METTL4: variants seen among roughly 807,000 people sequenced by gnomAD.
METTL4 encodes N(6)-adenine-specific methyltransferase METTL4.
A neutral mutation model predicts 54.0 loss-of-function variants in METTL4; 40 were observed. That is an observed-to-expected ratio of 0.74 (90% CI 0.58 to 0.96). METTL4 has a LOEUF of 0.96. Among genes scored for constraint, METTL4 ranks in the 50% least tolerant of loss-of-function variants. The probability of loss-of-function intolerance (pLI) is 0.00; values close to 1 mark genes in which losing one functional copy is unlikely to be tolerated. For synonymous variants in METTL4, 169 were observed against 183.8 expected (o/e 0.92, Z 0.65); for missense variants, 525 against 549.0 (o/e 0.96, Z 0.44).
At chr18:2,559,924 A>T (rs1244426575) in intron 3 of METTL4, among the ~76,000 whole-genome samples, 1 of 152,052 alleles carries the variant, frequency 6.6e-6, no homozygotes, top group East Asian at 1.9e-4. Context: ...TTTTAGTAGA[A>T]ATGGGATTTC....
intron 3 of METTL4, among the ~76,000 whole-genome samples, chr18:2,560,660 G>C (rs1465640393): frequency 6.6e-6 from 1 of 152,144 alleles, no homozygotes; most frequent in Non-Finnish European, 1.5e-5. Context: ...GGCAGATCAT[G>C]AGGTCAGGAG....
At chr18:2,540,644 T>G (rs2071980859) in intron 8 of METTL4, 1 of 985,390 alleles carries the variant, frequency 1.0e-6, no homozygotes, top group Non-Finnish European at 1.2e-6. Flanking sequence ...CTTTCCTAAG[T>G]GCATAAATTA....
At position 2,552,452 on chromosome 18, in the gene METTL4, C is replaced by T. The variant is rs141478183; in HGVS notation, c.899+243G>A. Reference sequence around the variant, plus strand: ...CAAATATGTTGTCCTTTGGTGTTAACAGAAACAGCCCTGAACTGCTTCTGG... The same window carrying T: ...CAAATATGTTGTCCTTTGGTGTTAATAGAAACAGCCCTGAACTGCTTCTGG... On this transcript the variant is annotated intron_variant, in intron 5 of 8. Coordinates refer to ENST00000574538, the MANE Select transcript of METTL4 (RefSeq NM_022840.5). Among the ~76,000 whole-genome samples the T allele has an allele frequency of 2.6e-4, 40 of 152,260 alleles. No homozygotes were observed. The East Asian group carries it at 7.5e-3, about 29-fold the overall frequency.
chr18:2,545,341 T>A (rs1000182831), intron 6 of METTL4, among the ~76,000 whole-genome samples: 63 of 152,266 alleles, frequency 4.1e-4, no homozygotes, highest in African/African-American at 1.5e-3. Flanking sequence ...ACTAATGAAC[T>A]AATAAATGAA....
Position 2,566,996 on chromosome 18 carries a change from T to A in METTL4, c.221A>T (p.Asp74Val). ...ASDSSTKPEN[D>V]DGGNYEMFTR... ...GAACATTTCATAATTTCCTCCATCA[T>A]CATTCTCTGGCTTAGTGGAAGAGTC... is the stretch of plus-strand genomic sequence containing the variant. Residue 74 changes from aspartate to valine, a missense_variant, in exon 2 of 9, where the codon GAT becomes GTT. Transcript: ENST00000574538. 6.2e-7 allele frequency: 1 copy of A among 1,614,168 alleles called. No homozygotes were observed. Among genetic ancestry groups the A allele is most frequent in the East Asian group, 2.2e-5 (1 of 44,874 alleles).
intron 3 of METTL4, chr18:2,555,336 T>C (rs1041803842): frequency 3.0e-6 from 1 of 335,262 alleles, no homozygotes; most frequent in African/African-American, 2.2e-5. Flanking sequence ...TAGAAGAAAA[T>C]GGGATTTCTA....
chr18:2,542,154 A>C (rs1480303676), intron 8 of METTL4, among the ~76,000 whole-genome samples: 1 of 152,172 alleles, frequency 6.6e-6, no homozygotes, highest in Non-Finnish European at 1.5e-5. Context: ...AATGAGGAAG[A>C]ACTGCATTTC....
In METTL4 at chr18:2,567,259, G is replaced by GA. The variant is rs1383495170; in HGVS notation, c.-44dup. The GA allele has an allele frequency of 5.3e-6, 8 of 1,514,628 alleles. No homozygotes were observed. The highest frequency in any genetic ancestry group is 7.1e-6 in the Non-Finnish European group (8 of 1,131,534). The allele number at this position is 1,514,628 out of a possible 1,614,324, so 93.8% of individuals were successfully genotyped here. A position where few individuals can be genotyped will look rare whatever the true frequency, so the allele number is the denominator to read the frequency against. On this transcript the variant is annotated 5_prime_UTR_variant, in exon 2 of 9. Transcript: ENST00000574538. ...GCCTCTGGGAATTAGGAACTAGAAT[G>GA]AAAATCCAACTTTCCAGATCAGCTT...
At chr18:2,565,148 G>A (rs1033545355) in intron 2 of METTL4, among the ~76,000 whole-genome samples, 2 of 151,994 alleles carry the variant, frequency 1.3e-5, no homozygotes. Flanking sequence ...GTATGGTGGT[G>A]GACACACATA....
At chr18:2,540,358 C>A (rs148779476) in intron 8 of METTL4, 1 of 979,620 alleles carries the variant, frequency 1.0e-6, no homozygotes, top group Admixed American at 6.2e-5. Context: ...TGTAAGATTG[C>A]GCTTGGAAGA....
rs1262896549 is a variant in METTL4 at position 2,554,971 on chromosome 18, T to C, written c.527A>G (p.Tyr176Cys). The change falls in exon 4 of 9, where the codon TAT becomes TGT. Residue 176 changes from tyrosine to cysteine, a missense_variant. Transcript: ENST00000574538. ...CTTGTCCTGTTTTTCAAAAAGTGGA[T>C]AAAGAAAACCACTTTTGAGACCTTC... ...IQEGLKSGFL[Y>C]PLFEKQDKGS... 11 of 1,613,924 alleles carry C rather than the reference T, an allele frequency of 6.8e-6. No individual in the cohort carries two copies. The highest frequency in any genetic ancestry group is 9.3e-6 in the Non-Finnish European group (11 of 1,179,942).
At chr18:2,556,949 C>T (rs950818498) in intron 3 of METTL4, among the ~76,000 whole-genome samples, 6 of 152,102 alleles carry the variant, frequency 3.9e-5, no homozygotes, top group Non-Finnish European at 5.9e-5. Flanking sequence ...TGAGAGACTT[C>T]CACTGGCTGG....
At chr18:2,559,144 C>T (rs986376744) in intron 3 of METTL4, among the ~76,000 whole-genome samples, 2 of 152,106 alleles carry the variant, frequency 1.3e-5, no homozygotes, top group South Asian at 2.1e-4. Flanking sequence ...AAAGCAAGAA[C>T]TGGAATAGAT....
In METTL4 at chr18:2,554,649, C is replaced by A; in HGVS notation, c.829+20G>T. On this transcript the variant is annotated intron_variant, in intron 4 of 8. Coordinates refer to ENST00000574538, the MANE Select transcript of METTL4 (RefSeq NM_022840.5). The stretch of plus-strand genomic sequence containing the variant: ...CGGAAAAATTATCTTTTTCTAATAA[C>A]AAACACAATAATTACTTACAGTTTA... 1.3e-6 allele frequency: 2 copies of A among 1,576,036 alleles called. No individual in the cohort carries two copies. Among genetic ancestry groups the A allele is most frequent in the Non-Finnish European group, 1.7e-6 (2 of 1,169,936 alleles).
chr18:2,563,600 C>CAAAAAAAAAAAAAAAAAAA lies in METTL4; in HGVS notation c.459+178_459+196dup. On this transcript the variant is annotated intron_variant, in intron 3 of 8. Coordinates refer to ENST00000574538, the MANE Select transcript of METTL4 (RefSeq NM_022840.5). ...TGGGCAACAGAATGAGACTCTGCCTCAAAAAAAAAAAAAAAAAAAAGACAA... is the reference window on the plus strand; with the variant it reads ...TGGGCAACAGAATGAGACTCTGCCTCAAAAAAAAAAAAAAAAAAAAAAAAAAAAAAAAAAAAAAAGACAA... Among the ~76,000 whole-genome samples the CAAAAAAAAAAAAAAAAAAA allele has an allele frequency of 3.1e-5, 3 of 97,852 alleles. 1 individual carries two copies. Among genetic ancestry groups the CAAAAAAAAAAAAAAAAAAA allele is most frequent in the Non-Finnish European group, 5.6e-5 (3 of 53,098 alleles). The allele number at this position is 97,852 out of a possible 152,430, so 64.2% of individuals were successfully genotyped here.
intron 6 of METTL4, among the ~76,000 whole-genome samples, chr18:2,546,133 C>T (rs961959593): frequency 6.6e-6 from 1 of 152,032 alleles, no homozygotes; most frequent in Non-Finnish European, 1.5e-5. Flanking sequence ...AACAAAGATA[C>T]AACTGTAAGT....
intron 3 of METTL4, among the ~76,000 whole-genome samples, chr18:2,560,036 G>C (rs2072292973): frequency 6.6e-6 from 1 of 152,122 alleles, no homozygotes; most frequent in Non-Finnish European, 1.5e-5. Flanking sequence ...ACCATGTCCA[G>C]CCTGAAATGA....
At chr18:2,568,841 G>GT (rs2072461261) in intron 1 of METTL4, 5 of 216,982 alleles carry the variant, frequency 2.3e-5, no homozygotes, top group African/African-American at 1.2e-4. Context: ...AATGGACAGG[G>GT]ATGATAATTG....
intron 3 of METTL4, among the ~76,000 whole-genome samples, chr18:2,559,318 G>A (rs1302971739): frequency 1.3e-5 from 2 of 152,170 alleles, no homozygotes; most frequent in Non-Finnish European, 2.9e-5. Context: ...CTACATGGAT[G>A]AACCTTGAAG....
Sources: allele counts gnomAD v4.1 joint callset (sites outside exome capture counted in the v4.1 genomes callset), GRCh38; gene constraint gnomAD v4.1.1; transcripts MANE v1.5; gene names NCBI Gene and HGNC (gene_info 2026-07-23, HGNC 2026-07-21).